MAMDC2: variants seen among roughly 807,000 people sequenced by gnomAD.
MAMDC2 encodes MAM domain-containing protein 2.
Under a neutral mutation model 89.8 loss-of-function variants are expected in MAMDC2, and 57 were observed. The observed-to-expected ratio is 0.63, with a 90% CI of 0.51 to 0.79. The LOEUF (loss-of-function observed/expected upper bound fraction) is 0.79. MAMDC2 is among the 30% of genes least tolerant of loss of function. The probability of loss-of-function intolerance (pLI) is 0.00; values close to 1 mark genes in which losing one functional copy is unlikely to be tolerated. For missense variants in MAMDC2, 800 were observed against 820.6 expected, an observed-to-expected ratio of 0.97 and a Z score of 0.31; for synonymous variants, 313 against 293.4, an observed-to-expected ratio of 1.07 and a Z score of -0.68.
chr9:70,076,131 T>C (rs556769675), intron 2 of MAMDC2, among the ~76,000 whole-genome samples: 3 of 152,212 alleles, frequency 2.0e-5, no homozygotes, highest in Non-Finnish European at 2.9e-5. Flanking sequence ...GTCTTTAAAA[T>C]TAATGGAGGG....
chr9:70,191,116 G>C (rs2032868547), intron 11 of MAMDC2, among the ~76,000 whole-genome samples: 1 of 152,136 alleles, frequency 6.6e-6, no homozygotes, highest in Admixed American at 6.6e-5. Flanking sequence ...TTAGGAGCCT[G>C]ACTGAAGTTC....
At chr9:70,135,004 C>T (rs2030950317) in intron 7 of MAMDC2, among the ~76,000 whole-genome samples, 1 of 152,200 alleles carries the variant, frequency 6.6e-6, no homozygotes, top group Non-Finnish European at 1.5e-5. Flanking sequence ...TTGAGTTTCT[C>T]TCCGTGAACT....
chr9:70,101,805 T>A (rs1035987446), intron 2 of MAMDC2, among the ~76,000 whole-genome samples: 3 of 152,200 alleles, frequency 2.0e-5, no homozygotes, highest in African/African-American at 7.2e-5. Context: ...TGACTGTACA[T>A]CATTTTATCA....
At chr9:70,064,202 AG>A (rs1827213842) in intron 2 of MAMDC2, among the ~76,000 whole-genome samples, 1 of 152,038 alleles carries the variant, frequency 6.6e-6, no homozygotes, top group Non-Finnish European at 1.5e-5. Context: ...ATTGGGGAAC[AG>A]GTGGTGTTTG....
chr9:70,165,202 A>C (rs939650600), intron 9 of MAMDC2, among the ~76,000 whole-genome samples: 3 of 152,322 alleles, frequency 2.0e-5, no homozygotes, highest in Middle Eastern at 3.4e-3. Context: ...AGTCCTTAAG[A>C]ACAGGACAAG....
At chr9:70,221,380 T>TATATATATATAGAGAG in intron 12 of MAMDC2, among the ~76,000 whole-genome samples, 3 of 7,040 alleles carry the variant, frequency 4.3e-4, no homozygotes, top group East Asian at 9.8e-3. Flanking sequence ...TATATATATA[T>TATATATATATAGAGAG]AGAGAGAGAG....
chr9:70,154,675 A>G (rs1054106575), intron 9 of MAMDC2, among the ~76,000 whole-genome samples: 5 of 150,730 alleles, frequency 3.3e-5, no homozygotes, highest in African/African-American at 7.3e-5. Context: ...AGAGCCAGCT[A>G]ATTTATTTTT....
chr9:70,157,269 T>C (rs2031792785), intron 9 of MAMDC2, among the ~76,000 whole-genome samples: 1 of 152,192 alleles, frequency 6.6e-6, no homozygotes, highest in Admixed American at 6.5e-5. Flanking sequence ...ATGCTCGCAT[T>C]GAGATTCTCT....
At chr9:70,044,327 G>A in intron 1 of MAMDC2, 96 bp downstream of exon 1, 1 of 1,361,270 alleles carries the variant, frequency 7.3e-7, no homozygotes, top group Non-Finnish European at 1.0e-6. Flanking sequence ...GCTGGGCTGG[G>A]CCATCCGAGG....
intron 10 of MAMDC2, among the ~76,000 whole-genome samples, 193 bp downstream of exon 10, chr9:70,168,988 A>G (rs2032251213): frequency 6.6e-6 from 1 of 152,082 alleles, no homozygotes; most frequent in Non-Finnish European, 1.5e-5. Context: ...GTCTTTGTAC[A>G]TGTGACTTAA....
In MAMDC2 at chr9:70,170,646, G is replaced by T. The variant is rs373738154; in HGVS notation, c.1651+15G>T. The stretch of plus-strand genomic sequence containing the variant: ...TACTGGGGTAGGTGAGTTATGCCAC[G>T]TGGTGCTGTTTCCTAAGGAAAGCTT... On this transcript the variant is annotated intron_variant, in intron 11 of 13. Coordinates refer to ENST00000377182, the MANE Select transcript of MAMDC2 (RefSeq NM_153267.5). 104 of 1,567,366 alleles carry T rather than the reference G, an allele frequency of 6.6e-5. 2 individuals are homozygous for T. In the South Asian group the frequency reaches 1.2e-3, roughly 18 times the overall value.
intron 11 of MAMDC2, chr9:70,216,244 C>A (rs1267666723): frequency 1.3e-5 from 2 of 152,244 alleles, no homozygotes; most frequent in South Asian, 4.2e-4. Flanking sequence ...GCTGCCATAA[C>A]AAAATATCAT....
At chr9:70,221,336 A>C (rs1032427342) in intron 12 of MAMDC2, among the ~76,000 whole-genome samples, 5 of 111,360 alleles carry the variant, frequency 4.5e-5, no homozygotes, top group African/African-American at 1.7e-4. Flanking sequence ...TCTCTAAAAA[A>C]AAAAGCAAGC....
At chr9:70,078,010 T>G (rs1310428439) in intron 2 of MAMDC2, among the ~76,000 whole-genome samples, 1 of 130,812 alleles carries the variant, frequency 7.6e-6, no homozygotes, top group Non-Finnish European at 1.6e-5. Flanking sequence ...TTCAGAGACT[T>G]CACTCTACCA....
chr9:70,189,246 T>C (rs2032826609), intron 11 of MAMDC2, among the ~76,000 whole-genome samples: 1 of 152,202 alleles, frequency 6.6e-6, no homozygotes, highest in Non-Finnish European at 1.5e-5. Context: ...GTGATGAATT[T>C]AGTTTTATTT....
At chr9:70,214,119 G>T (rs186198765) in intron 11 of MAMDC2, among the ~76,000 whole-genome samples, 1 of 152,140 alleles carries the variant, frequency 6.6e-6, no homozygotes, top group Non-Finnish European at 1.5e-5. Context: ...GAATTCTAAA[G>T]GAAAGAGACA....
intron 10 of MAMDC2, among the ~76,000 whole-genome samples, chr9:70,169,029 T>C (rs1196657281): frequency 6.6e-6 from 1 of 152,190 alleles, no homozygotes; most frequent in Non-Finnish European, 1.5e-5. Flanking sequence ...AGGCAACTAG[T>C]GGTATCTACC....
At chr9:70,163,954 A>AC (rs2032078027) in intron 9 of MAMDC2, among the ~76,000 whole-genome samples, 1 of 139,186 alleles carries the variant, frequency 7.2e-6, no homozygotes, top group African/African-American at 2.6e-5. Flanking sequence ...CTCTGTCTCA[A>AC]AAAAAAAAAA....
At chr9:70,125,162 A>G (rs2030470422) in intron 5 of MAMDC2, among the ~76,000 whole-genome samples, 1 of 152,256 alleles carries the variant, frequency 6.6e-6, no homozygotes, top group Admixed American at 6.5e-5. Flanking sequence ...AAAATTGCTA[A>G]CAATGATAGC....
Sources: gnomAD v4.1 joint callset for allele counts (sites outside exome capture counted in the v4.1 genomes callset) on GRCh38, gnomAD v4.1.1 for gene constraint, MANE v1.5 for transcripts, NCBI Gene and HGNC (gene_info 2026-07-23, HGNC 2026-07-21) for gene names.